The following INPP5A variants were observed in gnomAD, a reference collection of about 807,000 sequenced individuals.
INPP5A encodes the protein inositol polyphosphate-5-phosphatase A.
Under a neutral mutation model 65.2 loss-of-function variants are expected in INPP5A, and 14 were observed. That is an observed-to-expected ratio of 0.21 (90% CI 0.14 to 0.34). The LOEUF (loss-of-function observed/expected upper bound fraction) is 0.34, where lower values mean the gene tolerates loss of function less well. Ranked by LOEUF, INPP5A falls within the 10% of genes least tolerant of loss-of-function variation. The probability of loss-of-function intolerance (pLI) is 1.00; values close to 1 mark genes in which losing one functional copy is unlikely to be tolerated. For missense variants in INPP5A, 431 were observed against 545.6 expected, an observed-to-expected ratio of 0.79 and a Z score of 2.09; for synonymous variants, 207 against 208.3, an observed-to-expected ratio of 0.99 and a Z score of 0.05.
chr10:132,743,667 C>G (rs1244876479), intron 9 of INPP5A, among the ~76,000 whole-genome samples: 1 of 152,226 alleles, frequency 6.6e-6, no homozygotes, highest in African/African-American at 2.4e-5. Flanking sequence ...GAGGAAACTT[C>G]TGAATCACTG....
chr10:132,679,108 G>T (rs901718255), intron 4 of INPP5A, among the ~76,000 whole-genome samples: 1 of 152,208 alleles, frequency 6.6e-6, no homozygotes, highest in African/African-American at 2.4e-5. Context: ...AAGAGACCAA[G>T]GGGGCTACAG....
rs573443430 is a variant in INPP5A, at chr10:132,765,198, T to G, written c.904-575T>G. On this transcript the variant is annotated intron_variant, in intron 11 of 15. Coordinates refer to ENST00000368594, the MANE Select transcript of INPP5A (RefSeq NM_005539.5). ...AAACACGGTGGGCCAGTCCTGCAGG[T>G]GTGGGAGGTGATGCCCGCCTGGGGC... Among the ~76,000 whole-genome samples the G allele has an allele frequency of 7.3e-5, 11 of 151,580 alleles. No homozygotes were observed. The South Asian group carries it at 1.0e-3, about 14-fold the overall frequency.
Position 132,604,877 on chromosome 10 carries a change from G to A in INPP5A, c.76-3038G>A, listed in dbSNP as rs575484026. Among the ~76,000 whole-genome samples, 43 of 152,320 alleles carry A rather than the reference G, an allele frequency of 2.8e-4. No homozygotes were observed. The East Asian group carries it at 7.9e-3, about 28-fold the overall frequency. ...AAAGAGAGAGTGCAAAGGCCCTGGG[G>A]CCAGAGGACCAAATGTCTGAGACTC... On this transcript the variant is annotated intron_variant, in intron 1 of 15. Transcript: ENST00000368594.
intron 2 of INPP5A, among the ~76,000 whole-genome samples, chr10:132,641,000 A>T (rs1296932684): frequency 6.6e-6 from 1 of 152,200 alleles, no homozygotes; most frequent in African/African-American, 2.4e-5. Context: ...ATCGGGAGGC[A>T]TGTACTCTGT....
chr10:132,578,642 C>T (rs762197193), intron 1 of INPP5A, among the ~76,000 whole-genome samples: 3 of 144,398 alleles, frequency 2.1e-5, no homozygotes, highest in African/African-American at 5.2e-5. Context: ...GGAGAGTGTG[C>T]GGGGGCTGGG....
In INPP5A at chr10:132,659,458, C is replaced by T. The variant is rs555403159; in HGVS notation, c.306+8953C>T. Among the ~76,000 whole-genome samples the T allele has an allele frequency of 5.3e-5, 8 of 152,290 alleles. No homozygotes were observed. Among genetic ancestry groups the T allele is most frequent in the African/African-American group, 1.9e-4 (8 of 41,554 alleles). ...GGTCCCTGTGGGGTGCATCCACGGA[C>T]GCGGGTCTGGAGGCGCTGCTGTCTA... On this transcript the variant is annotated intron_variant, in intron 4 of 15. Coordinates refer to ENST00000368594, the MANE Select transcript of INPP5A (RefSeq NM_005539.5). The surrounding 1 kb of genome is among the most constrained non-coding windows in gnomAD (Gnocchi z 5.5).
chr10:132,703,260 G>A (rs542332229), intron 6 of INPP5A, among the ~76,000 whole-genome samples: 2 of 152,236 alleles, frequency 1.3e-5, no homozygotes, highest in East Asian at 1.9e-4. Context: ...GGGCTCTTGC[G>A]GTCGTTGTCA....
chr10:132,782,250 G>GTTT lies in INPP5A; in HGVS notation c.*237_*239dup. 1.5e-5 allele frequency: 5 copies of GTTT among 335,532 alleles called. No homozygotes were observed. Among genetic ancestry groups the GTTT allele is most frequent in the Admixed American group, 4.2e-5 (1 of 23,978 alleles). 20.8% of individuals were successfully genotyped at this position (335,532 alleles called of 1,614,324 possible). A position where few individuals can be genotyped will look rare whatever the true frequency, so the allele number is the denominator to read the frequency against. ...TATGTGACATTAAGTAGAAATATTG[G>GTTT]TTTTTTTTTTTTTTTTTTAAATAAG... On this transcript the variant is annotated 3_prime_UTR_variant, in exon 16 of 16. Coordinates refer to ENST00000368594, the MANE Select transcript of INPP5A (RefSeq NM_005539.5). This position sits in a 1 kb window ranked among gnomAD's most constrained non-coding sequence, Gnocchi z 4.4.
chr10:132,709,698 C>T (rs146351152), intron 7 of INPP5A, among the ~76,000 whole-genome samples: 3 of 152,312 alleles, frequency 2.0e-5, no homozygotes, highest in East Asian at 1.9e-4. Context: ...GTGGAGGACA[C>T]GCAGGCAGTG....
chr10:132,591,125 T>C (rs2071614184), intron 1 of INPP5A, among the ~76,000 whole-genome samples: 1 of 152,218 alleles, frequency 6.6e-6, no homozygotes. Flanking sequence ...TTTGTTTTGT[T>C]TTGTATTTTC....
At chr10:132,777,882 C>G (rs1420246161) in intron 13 of INPP5A, 100 bp downstream of exon 13, 35 of 1,542,184 alleles carry the variant, frequency 2.3e-5, no homozygotes, top group Non-Finnish European at 1.7e-6. Flanking sequence ...TGGGGGCACC[C>G]AGTCTGGGGA....
chr10:132,708,167 C>T (rs958361183), intron 6 of INPP5A, 146 bp from the exon 7 acceptor site: 96 of 687,542 alleles, frequency 1.4e-4, no homozygotes, highest in Non-Finnish European at 2.3e-4. Flanking sequence ...CAGCTCGGTT[C>T]TCTTTAGTGG....
rs545732570 is a variant in INPP5A at position 132,753,732 on chromosome 10, C to T, written c.903+3887C>T. 6.9e-4 allele frequency: 105 copies of T among 152,246 alleles called. No individual in the cohort carries two copies. The highest frequency in any genetic ancestry group is 2.3e-3 in the African/African-American group (97 of 41,546). The allele number at this position is 152,246 out of a possible 1,614,324, so 9.4% of individuals were successfully genotyped here. On this transcript the variant is annotated intron_variant, in intron 11 of 15. Coordinates refer to ENST00000368594, the MANE Select transcript of INPP5A (RefSeq NM_005539.5). This position sits in a 1 kb window ranked among gnomAD's most constrained non-coding sequence, Gnocchi z 5.3. ...TCTGTGTGTTTAGCAACCGCTGTAG[C>T]CCCAGGTGCATTGATTTTCTGGGCC...
chr10:132,726,940 GC>G, intron 9 of INPP5A, 35 bp downstream of exon 9: 2 of 1,484,900 alleles, frequency 1.3e-6, no homozygotes, highest in East Asian at 2.3e-5. Flanking sequence ...CTGGTCTCAT[GC>G]CTTGCTCTGT....
At chr10:132,645,800 G>T (rs2072485550) in intron 2 of INPP5A, 68 bp from the exon 3 acceptor site, 2 of 1,242,214 alleles carry the variant, frequency 1.6e-6, no homozygotes, top group South Asian at 1.3e-5. Flanking sequence ...GGCGGTGGAG[G>T]GGGTGGTGCC....
At chr10:132,774,651 C>T (rs1400283714) in intron 12 of INPP5A, among the ~76,000 whole-genome samples, 1 of 152,070 alleles carries the variant, frequency 6.6e-6, no homozygotes, top group Non-Finnish European at 1.5e-5. Context: ...TTGTTGTCTG[C>T]TTCTCGGGCC....
At chr10:132,694,542 T>C (rs904616669) in intron 5 of INPP5A, among the ~76,000 whole-genome samples, 5 of 151,724 alleles carry the variant, frequency 3.3e-5, no homozygotes, top group Non-Finnish European at 7.4e-5. Context: ...AAAGAAATAA[T>C]GAAAATTGGA....
At position 132,555,587 on chromosome 10, in the gene INPP5A, C is replaced by T. The variant is rs970273159; in HGVS notation, c.75+17416C>T. 2.6e-5 allele frequency among the ~76,000 whole-genome samples: 4 copies of T among 152,110 alleles called. No homozygotes were observed. Among genetic ancestry groups the T allele is most frequent in the African/African-American group, 4.8e-5 (2 of 41,386 alleles). ...CCGTCCTGACTCGCCTCCTGAGAGC[C>T]GTGGGTCACAAACTCAAATGCACAC... On this transcript the variant is annotated intron_variant, in intron 1 of 15. Coordinates refer to ENST00000368594, the MANE Select transcript of INPP5A (RefSeq NM_005539.5). This position sits in a 1 kb window ranked among gnomAD's most constrained non-coding sequence, Gnocchi z 4.4.
At chr10:132,779,461 C>T (rs1225278061) in intron 13 of INPP5A, among the ~76,000 whole-genome samples, 4 of 152,264 alleles carry the variant, frequency 2.6e-5, no homozygotes, top group African/African-American at 9.6e-5. Flanking sequence ...GGGCAGAAGG[C>T]TGGCAGGGCT....
Sources: allele counts gnomAD v4.1 joint callset (sites outside exome capture counted in the v4.1 genomes callset), GRCh38; gene constraint gnomAD v4.1.1; non-coding constraint Gnocchi (gnomAD v3.1); transcripts MANE v1.5; gene names NCBI Gene and HGNC (gene_info 2026-07-23, HGNC 2026-07-21).